Variants in CRACR2A observed in about 807,000 individuals in gnomAD.
CRACR2A encodes the protein EF-hand calcium-binding domain-containing protein 4B.
CRACR2A carries 79 observed loss-of-function variants against 90.5 expected under a neutral mutation model. That is an observed-to-expected ratio of 0.87 (90% CI 0.73 to 1.05). The LOEUF is 1.05. Ranked by LOEUF, CRACR2A falls within the 50% of genes least tolerant of loss-of-function variation. The pLI, the probability that CRACR2A is intolerant of heterozygous loss-of-function variation, is 0.00. For missense variants in CRACR2A, 823 were observed against 897.2 expected (o/e 0.92, Z 1.06); for synonymous variants, 338 against 356.7 (o/e 0.95, Z 0.59).
rs1288162903 is a variant in CRACR2A, at chr12:3,638,351, C to T, written c.1375G>A (p.Gly459Arg). ...TEEEPGTGEP[G>R]PGGPYPRPLR... ...GGCCGGGGGTACGGACCCCCAGGCC[C>T]TGGCTCCCCGGTTCCTGGCTCCTCT... is the stretch of plus-strand genomic sequence containing the variant. The change falls in exon 14 of 20, where the codon GGG becomes AGG. Residue 459 changes from glycine (G) to arginine (R), a missense_variant. Transcript: ENST00000440314. 3.2e-6 allele frequency: 5 copies of T among 1,551,484 alleles called. No homozygotes were observed. The East Asian group carries it at 9.8e-5, about 30-fold the overall frequency.
chr12:3,680,126 G>C, intron 5 of CRACR2A, 112 bp downstream of exon 5: 1 of 793,236 alleles, frequency 1.3e-6, no homozygotes, highest in Non-Finnish European at 2.1e-6. Context: ...CTGAAAGGAG[G>C]GCAGGAAAGC....
At chr12:3,661,632 A>G (rs1945040553) in intron 7 of CRACR2A, among the ~76,000 whole-genome samples, 1 of 152,252 alleles carries the variant, frequency 6.6e-6, no homozygotes, top group African/African-American at 2.4e-5. Context: ...ATTGACCCTG[A>G]TACTTCAGTG....
At chr12:3,710,387 C>A (rs1945990457) in intron 3 of CRACR2A, among the ~76,000 whole-genome samples, 2 of 152,072 alleles carry the variant, frequency 1.3e-5, no homozygotes, top group Admixed American at 1.3e-4. Context: ...TTTATTTCTC[C>A]CAGTTCTGGA....
At position 3,627,534 on chromosome 12, in the gene CRACR2A, G is replaced by C. The variant is rs918830395; in HGVS notation, c.1834C>G (p.Gln612Glu). ...CCATCTGCCTTTCTGAAGAACTGCT[G>C]GGTGATGCACCGGTACCTGCCACAG... ...AGQERYRCIT[Q>E]QFFRKADGVI... The change falls in exon 17 of 20, where the codon CAG becomes GAG. Residue 612 changes from glutamine to glutamate, a missense_variant. Coordinates refer to ENST00000440314, the MANE Select transcript of CRACR2A (RefSeq NM_001144958.2). 2 of 1,551,634 alleles carry C rather than the reference G, an allele frequency of 1.3e-6. No individual in the cohort carries two copies. Among genetic ancestry groups the C allele is most frequent in the African/African-American group, 2.7e-5 (2 of 73,168 alleles).
chr12:3,714,690 T>C (rs79848771), intron 2 of CRACR2A, among the ~76,000 whole-genome samples: 2,139 of 152,346 alleles, frequency 0.014, 47 homozygotes, highest in African/African-American at 0.042. Flanking sequence ...CAATGCATTA[T>C]TTTGCAATAA....
intron 7 of CRACR2A, among the ~76,000 whole-genome samples, chr12:3,662,442 C>T (rs1251179810): frequency 3.3e-5 from 5 of 152,130 alleles, no homozygotes; most frequent in Non-Finnish European, 2.9e-5. Context: ...CGGTACCTGC[C>T]CTATGTTCCT....
At chr12:3,657,611 C>T (rs1944939050) in intron 8 of CRACR2A, among the ~76,000 whole-genome samples, 1 of 152,210 alleles carries the variant, frequency 6.6e-6, no homozygotes, top group Non-Finnish European at 1.5e-5. Flanking sequence ...CTCATGTTAA[C>T]CACATGAATG....
intron 1 of CRACR2A, among the ~76,000 whole-genome samples, chr12:3,743,012 T>C (rs572181061): frequency 1.3e-5 from 2 of 152,332 alleles, no homozygotes; most frequent in African/African-American, 4.8e-5. Flanking sequence ...TATTAATCCA[T>C]TTTGTTTTTT....
At chr12:3,691,947 A>T (rs1945655809) in intron 4 of CRACR2A, among the ~76,000 whole-genome samples, 1 of 152,158 alleles carries the variant, frequency 6.6e-6, no homozygotes, top group African/African-American at 2.4e-5. Context: ...TGCTATTAAT[A>T]CTTGTGATTG....
intron 7 of CRACR2A, among the ~76,000 whole-genome samples, chr12:3,668,695 G>T (rs1278042782): frequency 6.6e-6 from 1 of 150,618 alleles, no homozygotes; most frequent in Non-Finnish European, 1.5e-5. Flanking sequence ...AGGCTTGTGT[G>T]GGTGTGCAGG....
At chr12:3,617,152 C>T (rs1047844612) in intron 18 of CRACR2A, 122 bp from the exon 19 acceptor site, 62 of 712,142 alleles carry the variant, frequency 8.7e-5, no homozygotes, top group Middle Eastern at 2.4e-4. Context: ...GCCCCTTGAC[C>T]TTCCTCATAA....
chr12:3,615,414 CTG>C lies in CRACR2A; in HGVS notation c.2135_2136del (p.Thr712SerfsTer13). 6 of 1,551,156 alleles carry C rather than the reference CTG, an allele frequency of 3.9e-6. No individual in the cohort carries two copies. Among genetic ancestry groups the C allele is most frequent in the African/African-American group, 1.4e-5 (1 of 73,138 alleles). Reference protein sequence around the residue: ...LARFLKEQEDTVREDTIQVGH... With the variant: ...LARFLKEQEDXVREDTIQVGH... Reference sequence around the variant, plus strand: ...CCGACCTGAATGGTGTCCTCTCTCACTGTGTCTTCTTGCTCCTTGAGGAACCT... The same window carrying C: ...CCGACCTGAATGGTGTCCTCTCTCACTGTCTTCTTGCTCCTTGAGGAACCT... On this transcript the variant is annotated frameshift_variant, in exon 20 of 20. Transcript: ENST00000440314. LOFTEE classifies it high-confidence loss of function.
intron 2 of CRACR2A, chr12:3,728,320 C>A (rs1946303496): frequency 6.6e-6 from 1 of 152,328 alleles, no homozygotes; most frequent in Non-Finnish European, 1.5e-5. Context: ...TCCCCAACCC[C>A]TCTGCCCGTA....
intron 3 of CRACR2A, among the ~76,000 whole-genome samples, chr12:3,697,716 G>A (rs902428171): frequency 6.6e-6 from 1 of 152,152 alleles, no homozygotes; most frequent in Non-Finnish European, 1.5e-5. Context: ...CATAGACCTC[G>A]GCCACAGCTG....
chr12:3,675,720 T>C (rs1459566597), intron 6 of CRACR2A, among the ~76,000 whole-genome samples: 1 of 152,190 alleles, frequency 6.6e-6, no homozygotes, highest in African/African-American at 2.4e-5. Context: ...TAAATCACTT[T>C]AAGACAAAAA....
intron 7 of CRACR2A, chr12:3,672,705 G>C (rs1321336476): frequency 1.0e-6 from 1 of 961,236 alleles, no homozygotes; most frequent in Non-Finnish European, 1.2e-6. Context: ...TGTCTAGTGG[G>C]CTTGCCCCAG....
chr12:3,752,917 G>T (rs58343288), intron 1 of CRACR2A, 98 bp downstream of exon 1: 30,893 of 152,320 alleles, frequency 0.2, 3,431 homozygotes, highest in African/African-American at 0.28. Flanking sequence ...TTCCATGTGC[G>T]GCAGACACGC....
At chr12:3,652,077 A>ACCCT (rs1944803639) in intron 10 of CRACR2A, among the ~76,000 whole-genome samples, 1 of 149,710 alleles carries the variant, frequency 6.7e-6, no homozygotes, top group African/African-American at 2.5e-5. Context: ...CTTCCTCCCA[A>ACCCT]CCCTCCCTCC....
At position 3,637,444 on chromosome 12, in the gene CRACR2A, A is replaced by C. The variant is rs570619248; in HGVS notation, c.1602+680T>G. 7.6e-3 allele frequency among the ~76,000 whole-genome samples: 1,153 copies of C among 152,236 alleles called. 11 individuals are homozygous for C. Among genetic ancestry groups the C allele is most frequent in the East Asian group, 0.038 (196 of 5,182 alleles). On this transcript the variant is annotated intron_variant, in intron 14 of 19. Coordinates refer to ENST00000440314, the MANE Select transcript of CRACR2A (RefSeq NM_001144958.2). ...GTGGGATGTGATGAGGTTTCTCTTC[A>C]AATAATCTGATCAATCTTTTCTTCT...
Sources: allele counts gnomAD v4.1 joint callset (sites outside exome capture counted in the v4.1 genomes callset), GRCh38; gene constraint gnomAD v4.1.1; transcripts MANE v1.5; gene names NCBI Gene and HGNC (gene_info 2026-07-23, HGNC 2026-07-21).